GOLPH3L: variants seen among roughly 807,000 people sequenced by gnomAD.
GOLPH3L encodes golgi phosphoprotein 3 like.
A neutral mutation model predicts 30.3 loss-of-function variants in GOLPH3L; 22 were observed. The observed-to-expected ratio is 0.73, with a 90% CI of 0.52 to 1.04. The LOEUF is 1.04. GOLPH3L is among the 50% of genes least tolerant of loss of function. The probability of loss-of-function intolerance (pLI) is 0.00; values close to 1 mark genes in which losing one functional copy is unlikely to be tolerated. For synonymous variants in GOLPH3L, 120 were observed against 128.2 expected (o/e 0.94, Z 0.43); for missense variants, 303 against 345.8 (o/e 0.88, Z 0.98).
intron 2 of GOLPH3L, among the ~76,000 whole-genome samples, chr1:150,666,688 A>C (rs1049847796): frequency 6.6e-6 from 1 of 151,550 alleles, no homozygotes; most frequent in African/African-American, 2.4e-5. Flanking sequence ...ATTCAAACTA[A>C]CCCTGAGATT....
At chr1:150,650,502 G>A (rs113709539) in intron 4 of GOLPH3L, among the ~76,000 whole-genome samples, 10 of 152,246 alleles carry the variant, frequency 6.6e-5, no homozygotes, top group Admixed American at 5.2e-4. Flanking sequence ...TTAGGAACCC[G>A]GCTGCACAGC....
chr1:150,665,078 A>G (rs1397683548), intron 2 of GOLPH3L, among the ~76,000 whole-genome samples: 1 of 152,100 alleles, frequency 6.6e-6, no homozygotes, highest in East Asian at 1.9e-4. Context: ...TATATACTAG[A>G]TATGTGCTAA....
At chr1:150,694,329 G>A (rs1651294360) in intron 2 of GOLPH3L, among the ~76,000 whole-genome samples, 1 of 152,026 alleles carries the variant, frequency 6.6e-6, no homozygotes, top group African/African-American at 2.4e-5. Flanking sequence ...CAGTGTGTGG[G>A]CCCTTGTTCT....
intron 4 of GOLPH3L, among the ~76,000 whole-genome samples, chr1:150,653,916 C>T (rs1409539312): frequency 2.0e-5 from 3 of 151,900 alleles, no homozygotes; most frequent in Non-Finnish European, 2.9e-5. Flanking sequence ...GTGCCCACCA[C>T]CACGCCCAGC....
chr1:150,696,209 GCTTT>G (rs1651350185), intron 1 of GOLPH3L, among the ~76,000 whole-genome samples: 1 of 152,060 alleles, frequency 6.6e-6, no homozygotes, highest in Admixed American at 6.6e-5. Flanking sequence ...AATGTCTCAT[GCTTT>G]CTTTCTGCTT....
intron 2 of GOLPH3L, among the ~76,000 whole-genome samples, chr1:150,669,519 C>CACCATTTGATCATTAAATCTCATT (rs1553187223): frequency 6.6e-6 from 1 of 152,274 alleles, no homozygotes; most frequent in Non-Finnish European, 1.5e-5. Context: ...TACTAAAGTT[C>CACCATTTGATCATTAAATCTCATT]ACCATTTGAT....
At chr1:150,659,335 T>C (rs1650318127) in intron 4 of GOLPH3L, among the ~76,000 whole-genome samples, 1 of 152,214 alleles carries the variant, frequency 6.6e-6, no homozygotes, top group Admixed American at 6.5e-5. Flanking sequence ...ATGCCCATGC[T>C]GGAAGGTTGT....
chr1:150,647,495 G>GAA lies in GOLPH3L; in HGVS notation c.*824_*825dup, dbSNP rs747251099. 8.8e-5 allele frequency: 9 copies of GAA among 102,624 alleles called. No individual in the cohort carries two copies. The highest frequency in any genetic ancestry group is 2.9e-4 in the South Asian group (1 of 3,488). The allele number at this position is 102,624 out of a possible 1,614,324, so 6.4% of individuals were successfully genotyped here. A position where few individuals can be genotyped will look rare whatever the true frequency, so the allele number is the denominator to read the frequency against. On this transcript the variant is annotated 3_prime_UTR_variant, in exon 5 of 5. Transcript: ENST00000271732. ...GCAAGAGCAAGACCCTGTCTCAAAA[G>GAA]AAAAAAAAAAAAAAAGTGGCCTGGG...
rs1336476484 is a variant in GOLPH3L at position 150,697,127 on chromosome 1, A to C, written c.-148T>G. The C allele has an allele frequency of 6.6e-6, 1 of 151,720 alleles. No individual in the cohort carries two copies. The highest frequency in any genetic ancestry group is 1.5e-5 in the Non-Finnish European group (1 of 67,962). The allele number at this position is 151,720 out of a possible 1,614,324, so 9.4% of individuals were successfully genotyped here. A position where few individuals can be genotyped will look rare whatever the true frequency, so the allele number is the denominator to read the frequency against. On this transcript the variant is annotated 5_prime_UTR_variant, in exon 1 of 5. Coordinates refer to ENST00000271732, the MANE Select transcript of GOLPH3L (RefSeq NM_018178.6). Reference sequence around the variant, plus strand: ...CCACGCAGAGAGCACAAACTTCCTGATCCTTCGATGCAGAGAAGGAATAAC... The same window carrying C: ...CCACGCAGAGAGCACAAACTTCCTGCTCCTTCGATGCAGAGAAGGAATAAC...
At chr1:150,669,405 T>A (rs990179325) in intron 2 of GOLPH3L, among the ~76,000 whole-genome samples, 1 of 152,200 alleles carries the variant, frequency 6.6e-6, no homozygotes, top group Non-Finnish European at 1.5e-5. Flanking sequence ...TTCCTCTTAG[T>A]GTATCTATCT....
rs911685610 is a variant in GOLPH3L, at chr1:150,646,764, TTTG to T, written c.*1554_*1556del. On this transcript the variant is annotated 3_prime_UTR_variant, in exon 5 of 5. Coordinates refer to ENST00000271732, the MANE Select transcript of GOLPH3L (RefSeq NM_018178.6). ...GTCATCTGTATTAACCCTTTGACAG[TTTG>T]TTGTTCTATAATGGTCAAGAAGCAC... The T allele has an allele frequency of 5.3e-5, 8 of 152,156 alleles. No homozygotes were observed. The highest frequency in any genetic ancestry group is 1.3e-4 in the Admixed American group (2 of 15,270). 9.4% of individuals were successfully genotyped at this position (152,156 alleles called of 1,614,324 possible).
chr1:150,652,348 T>C (rs1229987441), intron 4 of GOLPH3L, among the ~76,000 whole-genome samples: 1 of 110,156 alleles, frequency 9.1e-6, no homozygotes, highest in Non-Finnish European at 1.7e-5. Context: ...GCCACCGCAC[T>C]CCAGACTGGG....
intron 2 of GOLPH3L, among the ~76,000 whole-genome samples, chr1:150,666,698 T>C (rs912262316): frequency 6.6e-6 from 1 of 152,180 alleles, no homozygotes; most frequent in Non-Finnish European, 1.5e-5. Flanking sequence ...ACCCTGAGAT[T>C]TTGATTTCAA....
At position 150,651,065 on chromosome 1, in the gene GOLPH3L, C is replaced by T. The variant is rs587732406; in HGVS notation, c.431-2317G>A. ...GGTGCGGTGGCTCACGCCTGTAATC[C>T]CAGCATTTTGAGAGGCTGAGGTGGG... On this transcript the variant is annotated intron_variant, in intron 4 of 4. Coordinates refer to ENST00000271732, the MANE Select transcript of GOLPH3L (RefSeq NM_018178.6). Among the ~76,000 whole-genome samples the T allele has an allele frequency of 4.6e-5, 7 of 152,268 alleles. No homozygotes were observed. The South Asian group carries it at 1.5e-3, about 32-fold the overall frequency.
rs1650431492 is a variant in GOLPH3L at position 150,663,806 on chromosome 1, A to C, written c.184-43T>G. On this transcript the variant is annotated intron_variant, in intron 2 of 4. Coordinates refer to ENST00000271732, the MANE Select transcript of GOLPH3L (RefSeq NM_018178.6). The stretch of plus-strand genomic sequence containing the variant: ...AGAAGAGAAAGAATGTTTTGAGAGG[A>C]ATACTGACTTCCAGCAGGCACCCTA... 5 of 1,584,298 alleles carry C rather than the reference A, an allele frequency of 3.2e-6. No homozygotes were observed. The African/African-American group carries it at 5.4e-5, about 17-fold the overall frequency.
chr1:150,691,459 T>C (rs1055046834), intron 2 of GOLPH3L, among the ~76,000 whole-genome samples: 2 of 152,086 alleles, frequency 1.3e-5, no homozygotes, highest in African/African-American at 4.8e-5. Flanking sequence ...CAGGTTGCAG[T>C]GAGCCAAGAT....
At chr1:150,668,181 T>C (rs1453210393) in intron 2 of GOLPH3L, among the ~76,000 whole-genome samples, 1 of 152,182 alleles carries the variant, frequency 6.6e-6, no homozygotes, top group African/African-American at 2.4e-5. Context: ...AAGGAGAGAA[T>C]ATCCCTTATG....
chr1:150,660,423 A>G (rs1272369980), intron 4 of GOLPH3L, among the ~76,000 whole-genome samples: 5 of 152,232 alleles, frequency 3.3e-5, no homozygotes, highest in Non-Finnish European at 7.3e-5. Flanking sequence ...CAGCAATTCT[A>G]TTCCTAGGTA....
intron 2 of GOLPH3L, among the ~76,000 whole-genome samples, chr1:150,693,838 T>TATATATAC (rs1557791428): frequency 2.3e-5 from 2 of 87,370 alleles, no homozygotes; most frequent in East Asian, 3.3e-4. Context: ...TATATATATA[T>TATATATAC]ATATATATAT....
Sources: gnomAD v4.1 joint callset for allele counts (sites outside exome capture counted in the v4.1 genomes callset) on GRCh38, gnomAD v4.1.1 for gene constraint, MANE v1.5 for transcripts, NCBI Gene and HGNC (gene_info 2026-07-23, HGNC 2026-07-21) for gene names.